The following CEMIP2 variants were observed in gnomAD, a reference collection of about 807,000 sequenced individuals.
CEMIP2 encodes the protein cell migration inducing hyaluronidase 2, also known as cell surface hyaluronidase CEMIP2.
Under a neutral mutation model 146.9 loss-of-function variants are expected in CEMIP2, and 79 were observed. The ratio of observed to expected loss-of-function variants is 0.54; its 90% CI spans 0.45 to 0.65. CEMIP2 has a LOEUF of 0.65. Among genes scored for constraint, CEMIP2 ranks in the 30% least tolerant of loss-of-function variants. CEMIP2 has a pLI of 0.00. For missense variants in CEMIP2, 1,596 were observed against 1,696.2 expected, an observed-to-expected ratio of 0.94 and a Z score of 1.04; for synonymous variants, 601 against 606.3, an observed-to-expected ratio of 0.99 and a Z score of 0.13.
In CEMIP2 at chr9:71,730,219, T is replaced by C. The variant is rs1263462028; in HGVS notation, c.1808A>G (p.His603Arg). 6.2e-7 allele frequency: 1 copy of C among 1,614,002 alleles called. No homozygotes were observed. Among genetic ancestry groups the C allele is most frequent in the Non-Finnish European group, 8.5e-7 (1 of 1,180,036 alleles). ...AATACCATCTTCCAAAAAGAAACAA[T>C]GACCTAGTGTGTCAAACCCAATGGT... ...KDTIGFDTLG[H>R]CFFLEDGIEQ... The change falls in exon 9 of 24, where the codon CAT becomes CGT. Residue 603 changes from histidine (H) to arginine (R), a missense_variant. By Grantham distance (29) the His-to-Arg change is conservative. Coordinates refer to ENST00000377044, the MANE Select transcript of CEMIP2 (RefSeq NM_013390.3).
At chr9:71,691,281 G>A (rs748681738) in intron 21 of CEMIP2, among the ~76,000 whole-genome samples, 8 of 150,556 alleles carry the variant, frequency 5.3e-5, no homozygotes, top group South Asian at 4.2e-4. Context: ...TACACCGGGC[G>A]TGGTGGTGCA....
chr9:71,688,827 T>C (rs1191595133), intron 22 of CEMIP2, among the ~76,000 whole-genome samples: 2 of 152,136 alleles, frequency 1.3e-5, no homozygotes, highest in African/African-American at 4.8e-5. Context: ...CGCAACCCTA[T>C]ACACATAGAC....
rs1822012130 is a variant in CEMIP2, at chr9:71,685,089, A to G, written c.*108T>C. 1 of 1,112,836 alleles carries G rather than the reference A, an allele frequency of 9.0e-7. No homozygotes were observed. The highest frequency in any genetic ancestry group is 2.7e-5 in the Admixed American group (1 of 36,364). 68.9% of individuals were successfully genotyped at this position (1,112,836 alleles called of 1,614,324 possible). A position where few individuals can be genotyped will look rare whatever the true frequency, so the allele number is the denominator to read the frequency against. On this transcript the variant is annotated 3_prime_UTR_variant, in exon 24 of 24. Coordinates refer to ENST00000377044, the MANE Select transcript of CEMIP2 (RefSeq NM_013390.3). Reference sequence around the variant, plus strand: ...CTTTCTTTTCTCCCCATTCTGTATCAAACTGGAAAATGGTTCCGTTGGGTT... The same window carrying G: ...CTTTCTTTTCTCCCCATTCTGTATCGAACTGGAAAATGGTTCCGTTGGGTT...
In CEMIP2 at chr9:71,712,511, G is replaced by C. The variant is rs527990629; in HGVS notation, c.2592-251C>G. ...ATAAGACACAACATTATCATAGATT[G>C]GGTGGGGAGAAAGATGCTATTTTAG... On this transcript the variant is annotated intron_variant, in intron 15 of 23. Coordinates refer to ENST00000377044, the MANE Select transcript of CEMIP2 (RefSeq NM_013390.3). 1.7e-5 allele frequency: 6 copies of C among 343,372 alleles called. No individual in the cohort carries two copies. In the Admixed American group the frequency reaches 2.4e-4, roughly 13 times the overall value. 21.3% of individuals were successfully genotyped at this position (343,372 alleles called of 1,614,324 possible). A position where few individuals can be genotyped will look rare whatever the true frequency, so the allele number is the denominator to read the frequency against.
chr9:71,738,030 A>G (rs992595086), intron 5 of CEMIP2, among the ~76,000 whole-genome samples: 3 of 152,254 alleles, frequency 2.0e-5, no homozygotes, highest in East Asian at 1.9e-4. Context: ...AGAGCCCCCA[A>G]TTTAAAGCTA....
intron 7 of CEMIP2, 186 bp from the exon 8 acceptor site, chr9:71,731,100 T>C (rs1823603449): frequency 1.6e-6 from 1 of 608,390 alleles, no homozygotes; most frequent in South Asian, 2.0e-5. Context: ...AGCAAATACT[T>C]TAAAGAGCCA....
chr9:71,751,825 C>T (rs1824264359), intron 1 of CEMIP2, among the ~76,000 whole-genome samples: 1 of 152,152 alleles, frequency 6.6e-6, no homozygotes, highest in Admixed American at 6.5e-5. Context: ...CCCCACTAGA[C>T]TTATCTAGTG....
Position 71,684,800 on chromosome 9 carries a change from A to G in CEMIP2, c.*397T>C, listed in dbSNP as rs1822005943. ...CAACTGCCACCCGACCCAACTGAGC[A>G]TTAAACTTCAAGTATCCAAGGTGCT... On this transcript the variant is annotated 3_prime_UTR_variant, in exon 24 of 24. Coordinates refer to ENST00000377044, the MANE Select transcript of CEMIP2 (RefSeq NM_013390.3). 1 of 160,052 alleles carries G rather than the reference A, an allele frequency of 6.2e-6. No individual in the cohort carries two copies. Among genetic ancestry groups the G allele is most frequent in the Non-Finnish European group, 1.4e-5 (1 of 73,288 alleles). The allele number at this position is 160,052 out of a possible 1,614,324, so 9.9% of individuals were successfully genotyped here.
Position 71,732,417 on chromosome 9 carries a change from C to T in CEMIP2, c.1497G>A (p.Glu499=). 1 of 1,613,988 alleles carries T rather than the reference C, an allele frequency of 6.2e-7. No individual in the cohort carries two copies. The highest frequency in any genetic ancestry group is 2.2e-5 in the East Asian group (1 of 44,868). The part of the protein sequence containing the change: ...TRNIVIQGEV[E]DSCYAENQCQ... ...ACTGATTTTCTGCGTAGCATGAGTC[C>T]TCCACTTCTCCTTGGATCACAATAT... Residue 499 remains glutamate (E), a synonymous_variant, in exon 7 of 24, where the codon GAG becomes GAA. Coordinates refer to ENST00000377044, the MANE Select transcript of CEMIP2 (RefSeq NM_013390.3).
chr9:71,728,231 C>CTCTCTA (rs1554684626), intron 10 of CEMIP2, among the ~76,000 whole-genome samples: 11 of 14,776 alleles, frequency 7.4e-4, no homozygotes, highest in South Asian at 3.6e-3. Context: ...CTCTCTCTCT[C>CTCTCTA]TATATATATA....
intron 20 of CEMIP2, among the ~76,000 whole-genome samples, chr9:71,696,088 C>A (rs1430117851): frequency 1.3e-5 from 2 of 152,126 alleles, no homozygotes; most frequent in Non-Finnish European, 2.9e-5. Context: ...GCTTCATGCA[C>A]AAAAGATAAA....
chr9:71,764,265 T>C (rs1313903886), intron 1 of CEMIP2, among the ~76,000 whole-genome samples: 1 of 152,192 alleles, frequency 6.6e-6, no homozygotes, highest in Non-Finnish European at 1.5e-5. Flanking sequence ...CCCACCATCA[T>C]GTGTAAGTAG....
chr9:71,767,816 G>A (rs1381091273), intron 1 of CEMIP2, among the ~76,000 whole-genome samples: 3 of 152,300 alleles, frequency 2.0e-5, no homozygotes, highest in Non-Finnish European at 2.9e-5. Flanking sequence ...AGAGAGGCAG[G>A]GGGCGGAGGG....
rs776808520 is a variant in CEMIP2 at position 71,750,060 on chromosome 9, G to A, written c.314C>T (p.Ser105Leu). ...IALAIILGIS[S>L]KYAPDENCPD... Reference sequence around the variant, plus strand: ...ACACTTACCATCTGGAGCATATTTTGAGGATATTCCTAAAATGATTGCAAG... The same window carrying A: ...ACACTTACCATCTGGAGCATATTTTAAGGATATTCCTAAAATGATTGCAAG... The change falls in exon 2 of 24, where the codon TCA becomes TTA. Residue 105 changes from serine to leucine, a missense_variant. Coordinates refer to ENST00000377044, the MANE Select transcript of CEMIP2 (RefSeq NM_013390.3). 1 of 1,604,450 alleles carries A rather than the reference G, an allele frequency of 6.2e-7. No individual in the cohort carries two copies. Among genetic ancestry groups the A allele is most frequent in the African/African-American group, 1.3e-5 (1 of 74,666 alleles).
chr9:71,749,241 A>T (rs1824176587), intron 2 of CEMIP2, among the ~76,000 whole-genome samples: 1 of 152,216 alleles, frequency 6.6e-6, no homozygotes, highest in African/African-American at 2.4e-5. Context: ...TATATATCCT[A>T]AAGGATGCTT....
chr9:71,730,691 G>T lies in CEMIP2; in HGVS notation c.1773+14C>A. On this transcript the variant is annotated intron_variant, in intron 8 of 23. Coordinates refer to ENST00000377044, the MANE Select transcript of CEMIP2 (RefSeq NM_013390.3). The stretch of plus-strand genomic sequence containing the variant: ...TTTCAATAATATGGGTTGACCTAAT[G>T]CGAGGCTACTTACTAGCAAGCCATT... 2 of 1,613,312 alleles carry T rather than the reference G, an allele frequency of 1.2e-6. No individual in the cohort carries two copies. The highest frequency in any genetic ancestry group is 1.7e-6 in the Non-Finnish European group (2 of 1,179,336).
intron 14 of CEMIP2, among the ~76,000 whole-genome samples, chr9:71,715,810 G>A (rs1181422641): frequency 6.6e-6 from 1 of 151,476 alleles, no homozygotes; most frequent in East Asian, 1.9e-4. Context: ...ATTTTTGGTA[G>A]AGACAGGGTC....
chr9:71,709,865 A>G (rs937530383), intron 16 of CEMIP2, among the ~76,000 whole-genome samples: 5 of 152,232 alleles, frequency 3.3e-5, no homozygotes, highest in African/African-American at 4.8e-5. Flanking sequence ...TAAACTGTAC[A>G]TGTAAGATCT....
intron 21 of CEMIP2, among the ~76,000 whole-genome samples, chr9:71,691,651 T>TA (rs1822231227): frequency 6.6e-6 from 1 of 151,932 alleles, no homozygotes; most frequent in African/African-American, 2.4e-5. Flanking sequence ...GCCTGTTGCT[T>TA]AAAAAACCCA....
Sources: gnomAD v4.1 joint callset for allele counts (sites outside exome capture counted in the v4.1 genomes callset) on GRCh38, gnomAD v4.1.1 for gene constraint, MANE v1.5 for transcripts, NCBI Gene and HGNC (gene_info 2026-07-23, HGNC 2026-07-21) for gene names.